Variants in BRINP3 observed in about 807,000 individuals in gnomAD.
The protein encoded by BRINP3 is BMP/retinoic acid inducible neural specific 3.
A neutral mutation model predicts 71.0 loss-of-function variants in BRINP3; 19 were observed. The ratio of observed to expected loss-of-function variants is 0.27; its 90% CI spans 0.19 to 0.39. BRINP3 has a LOEUF of 0.39. Among genes scored for constraint, BRINP3 ranks in the 10% least tolerant of loss-of-function variants. The pLI is 1.00. For missense variants in BRINP3, 959 were observed against 940.8 expected (o/e 1.02, Z -0.25); for synonymous variants, 380 against 337.7 (o/e 1.13, Z -1.37).
At chr1:190,250,382 A>G (rs1171967245) in intron 4 of BRINP3, among the ~76,000 whole-genome samples, 2 of 151,922 alleles carry the variant, frequency 1.3e-5, no homozygotes, top group Non-Finnish European at 2.9e-5. Flanking sequence ...GTTAAGGGGG[A>G]AAATATGATG....
In BRINP3 at chr1:190,130,483, A is replaced by C. The variant is rs564061007; in HGVS notation, c.1184+30185T>G. On this transcript the variant is annotated intron_variant, in intron 7 of 7. Coordinates refer to ENST00000367462, the MANE Select transcript of BRINP3 (RefSeq NM_199051.3). ...TGAAGAGTGGAAAAATTTGCTAACT[A>C]TGAAGGTCCTGGGCAGAACAAGGAA... is the stretch of plus-strand genomic sequence containing the variant. 3.9e-5 allele frequency among the ~76,000 whole-genome samples: 6 copies of C among 152,142 alleles called. No individual in the cohort carries two copies. The East Asian group carries it at 9.7e-4, about 24-fold the overall frequency.
At position 190,346,867 on chromosome 1, in the gene BRINP3, T is replaced by C. The variant is rs181161648; in HGVS notation, c.237-65117A>G. ...TTATTTTCTGTTCATTTGGATATCT[T>C]CCACAAGAAATAGTGAATACCTTAA... On this transcript the variant is annotated intron_variant, in intron 2 of 7. Coordinates refer to ENST00000367462, the MANE Select transcript of BRINP3 (RefSeq NM_199051.3). Among the ~76,000 whole-genome samples the C allele has an allele frequency of 3.2e-3, 486 of 152,220 alleles. 1 individual carries two copies. Among genetic ancestry groups the C allele is most frequent in the African/African-American group, 0.011 (467 of 41,560 alleles).
intron 2 of BRINP3, among the ~76,000 whole-genome samples, chr1:190,306,704 A>C (rs1665127112): frequency 6.6e-6 from 1 of 151,768 alleles, no homozygotes; most frequent in African/African-American, 2.4e-5. Context: ...CAACTATTTT[A>C]GCACAGATAA....
intron 2 of BRINP3, among the ~76,000 whole-genome samples, chr1:190,420,397 G>T (rs572408598): frequency 6.6e-6 from 1 of 151,948 alleles, no homozygotes; most frequent in African/African-American, 2.4e-5. Flanking sequence ...TTTGGTTCAG[G>T]AAGTAAATGC....
chr1:190,421,468 T>C (rs1323655688), intron 2 of BRINP3, among the ~76,000 whole-genome samples: 2 of 151,494 alleles, frequency 1.3e-5, no homozygotes, highest in African/African-American at 2.4e-5. Context: ...TTATTTTATT[T>C]AATCTCTATA....
intron 7 of BRINP3, among the ~76,000 whole-genome samples, chr1:190,143,187 T>G (rs192427771): frequency 6.6e-6 from 1 of 152,208 alleles, no homozygotes; most frequent in South Asian, 2.1e-4. Flanking sequence ...ATTATCTTTC[T>G]AAAGATTTTT....
chr1:190,235,254 T>C (rs1297704450), intron 4 of BRINP3, among the ~76,000 whole-genome samples: 1 of 152,088 alleles, frequency 6.6e-6, no homozygotes, highest in Admixed American at 6.6e-5. Flanking sequence ...ATCTCATATG[T>C]GGACTGATTT....
At position 190,098,085 on chromosome 1, in the gene BRINP3, G is replaced by A. The variant is rs1434900544; in HGVS notation, c.2234C>T (p.Ala745Val). 3 of 1,614,048 alleles carry A rather than the reference G, an allele frequency of 1.9e-6. No individual in the cohort carries two copies. The African/African-American group carries it at 4.0e-5, about 22-fold the overall frequency. The change falls in exon 8 of 8, where the codon GCT becomes GTT. Residue 745 changes from alanine (A) to valine (V), a missense_variant. Transcript: ENST00000367462. ...CAATTTGGCATTAAACGCCTGCAGA[G>A]CAGATTGGATCCTCACCACCTCACT... ...STSEVVRIQSALQAFNAKLPN... is the reference protein window; with the variant it reads ...STSEVVRIQSVLQAFNAKLPN...
chr1:190,384,082 A>G (rs1422230014), intron 2 of BRINP3, among the ~76,000 whole-genome samples: 2 of 151,776 alleles, frequency 1.3e-5, no homozygotes, highest in African/African-American at 4.8e-5. Flanking sequence ...CTTTTGTCAT[A>G]TGGTTTCATA....
intron 6 of BRINP3, among the ~76,000 whole-genome samples, chr1:190,174,805 T>C (rs1206102819): frequency 6.6e-5 from 10 of 152,132 alleles, no homozygotes; most frequent in Admixed American, 6.6e-4. Flanking sequence ...ATCCTCCCAA[T>C]AATCTTGCTT....
intron 6 of BRINP3, among the ~76,000 whole-genome samples, chr1:190,165,632 C>T (rs1280697259): frequency 1.3e-5 from 2 of 151,064 alleles, no homozygotes; most frequent in African/African-American, 4.9e-5. Flanking sequence ...TTTCTTGTTT[C>T]TTGAGAACCA....
At chr1:190,434,340 C>T (rs1336770227) in intron 2 of BRINP3, among the ~76,000 whole-genome samples, 1 of 151,938 alleles carries the variant, frequency 6.6e-6, no homozygotes, top group Non-Finnish European at 1.5e-5. Flanking sequence ...GAATTCCTGA[C>T]CTCGGGTGAT....
At chr1:190,142,495 G>T (rs1198182241) in intron 7 of BRINP3, among the ~76,000 whole-genome samples, 1 of 152,096 alleles carries the variant, frequency 6.6e-6, no homozygotes, top group East Asian at 1.9e-4. Context: ...ATTTTTTTAA[G>T]TAATTCTATT....
At chr1:190,415,501 C>T (rs960291345) in intron 2 of BRINP3, among the ~76,000 whole-genome samples, 4 of 152,088 alleles carry the variant, frequency 2.6e-5, no homozygotes, top group African/African-American at 9.7e-5. Flanking sequence ...ACAAACACAT[C>T]AGGGAACAAC....
At chr1:190,239,554 T>C (rs924767888) in intron 4 of BRINP3, among the ~76,000 whole-genome samples, 1 of 152,082 alleles carries the variant, frequency 6.6e-6, no homozygotes, top group African/African-American at 2.4e-5. Context: ...TCTAGAAATA[T>C]CCTATTTTTT....
intron 6 of BRINP3, among the ~76,000 whole-genome samples, chr1:190,161,755 G>A (rs1219635842): frequency 6.6e-6 from 1 of 152,014 alleles, no homozygotes; most frequent in African/African-American, 2.4e-5. Context: ...CAACAAATAT[G>A]AGCATATACA....
chr1:190,165,741 G>A (rs1421728907), intron 6 of BRINP3, among the ~76,000 whole-genome samples: 1 of 151,346 alleles, frequency 6.6e-6, no homozygotes, highest in Non-Finnish European at 1.5e-5. Context: ...CGACACTACA[G>A]AAATACTAGC....
intron 2 of BRINP3, among the ~76,000 whole-genome samples, chr1:190,346,583 A>C (rs1283088065): frequency 6.6e-6 from 1 of 152,136 alleles, no homozygotes; most frequent in South Asian, 2.1e-4. Context: ...TTGTGGTTGC[A>C]ATGAATCTGA....
chr1:190,463,313 A>G (rs978025833), intron 1 of BRINP3, among the ~76,000 whole-genome samples: 1 of 151,722 alleles, frequency 6.6e-6, no homozygotes, highest in African/African-American at 2.4e-5. Flanking sequence ...TACAATTTTA[A>G]TTAAAATCTG....
Sources: gnomAD v4.1 joint callset for allele counts (sites outside exome capture counted in the v4.1 genomes callset) on GRCh38, gnomAD v4.1.1 for gene constraint, MANE v1.5 for transcripts, NCBI Gene and HGNC (gene_info 2026-07-23, HGNC 2026-07-21) for gene names.